The following NPAS3 variants were observed in gnomAD, a reference collection of about 807,000 sequenced individuals.
The protein encoded by NPAS3 is neuronal PAS domain-containing protein 3.
NPAS3 carries 14 observed loss-of-function variants against 73.1 expected under a neutral mutation model. The ratio of observed to expected loss-of-function variants is 0.19; its 90% confidence interval spans 0.13 to 0.30. NPAS3 has a LOEUF of 0.30. NPAS3 is among the 10% of genes least tolerant of loss of function. The pLI, the probability that NPAS3 is intolerant of heterozygous loss-of-function variation, is 1.00. For synonymous variants in NPAS3, 620 were observed against 541.5 expected (o/e 1.14, Z -2.01); for missense variants, 1,096 against 1,250.0 (o/e 0.88, Z 1.86).
chr14:33,140,180 G>A (rs991035536), intron 2 of NPAS3, among the ~76,000 whole-genome samples: 2 of 152,056 alleles, frequency 1.3e-5, no homozygotes, highest in Admixed American at 1.3e-4. Context: ...CTGCTGCACA[G>A]TAAATTACAT....
At chr14:33,483,872 G>A (rs2051450760) in intron 4 of NPAS3, among the ~76,000 whole-genome samples, 1 of 152,146 alleles carries the variant, frequency 6.6e-6, no homozygotes. Flanking sequence ...ATTTCCAGCA[G>A]AAATACTGCC....
intron 4 of NPAS3, among the ~76,000 whole-genome samples, chr14:33,498,371 T>C (rs868181040): frequency 6.6e-6 from 1 of 152,204 alleles, no homozygotes; most frequent in Non-Finnish European, 1.5e-5. Flanking sequence ...TAAATCATTC[T>C]GCTATAAAGA....
chr14:33,473,502 G>C (rs1441100228), intron 4 of NPAS3, among the ~76,000 whole-genome samples: 2 of 152,172 alleles, frequency 1.3e-5, no homozygotes, highest in Non-Finnish European at 2.9e-5. Flanking sequence ...TTCATCTACT[G>C]AATATTTATT....
intron 6 of NPAS3, among the ~76,000 whole-genome samples, chr14:33,725,870 T>A (rs1241473951): frequency 6.6e-6 from 1 of 152,212 alleles, no homozygotes; most frequent in Non-Finnish European, 1.5e-5. Flanking sequence ...CTTCTTCCAC[T>A]TCCTTTATCT....
intron 7 of NPAS3, among the ~76,000 whole-genome samples, chr14:33,765,201 T>C (rs962162848): frequency 6.6e-6 from 1 of 152,100 alleles, no homozygotes; most frequent in Non-Finnish European, 1.5e-5. Context: ...GTTTGGAGGA[T>C]ACAGTCATGT....
intron 4 of NPAS3, among the ~76,000 whole-genome samples, chr14:33,430,841 C>T (rs1022218793): frequency 6.6e-6 from 1 of 152,170 alleles, no homozygotes; most frequent in Non-Finnish European, 1.5e-5. Flanking sequence ...ACAGCAGGGG[C>T]TCCTGAACTG....
At chr14:33,497,226 A>G (rs778209621) in intron 4 of NPAS3, among the ~76,000 whole-genome samples, 5 of 152,208 alleles carry the variant, frequency 3.3e-5, no homozygotes, top group African/African-American at 4.8e-5. Flanking sequence ...AAAACATTCC[A>G]TGCTCGTGGA....
At chr14:33,145,096 G>A (rs1280894260) in intron 2 of NPAS3, among the ~76,000 whole-genome samples, 1 of 152,150 alleles carries the variant, frequency 6.6e-6, no homozygotes, top group African/African-American at 2.4e-5. Context: ...GATATTTGAT[G>A]CCAACCAGAA....
Position 33,114,809 on chromosome 14 carries a change from T to A in NPAS3, c.140+58815T>A, listed in dbSNP as rs552222725. ...AAGAAATTAAAGCAGCAGCTTCTAATGTAAAAGAAGTCTCAACAATAGAAT... is the reference window on the plus strand; with the variant it reads ...AAGAAATTAAAGCAGCAGCTTCTAAAGTAAAAGAAGTCTCAACAATAGAAT... On this transcript the variant is annotated intron_variant, in intron 2 of 11. Transcript: ENST00000356141. Among the ~76,000 whole-genome samples the A allele has an allele frequency of 1.2e-4, 18 of 152,262 alleles. No homozygotes were observed. The East Asian group carries it at 3.5e-3, about 29-fold the overall frequency.
At chr14:33,681,477 G>T (rs1049721364) in intron 6 of NPAS3, among the ~76,000 whole-genome samples, 9 of 152,262 alleles carry the variant, frequency 5.9e-5, no homozygotes, top group South Asian at 2.1e-4. Flanking sequence ...TAATATTAGC[G>T]CTGGCCAAGG....
intron 2 of NPAS3, among the ~76,000 whole-genome samples, chr14:33,152,102 TCTC>T (rs2044469463): frequency 6.6e-6 from 1 of 152,036 alleles, no homozygotes; most frequent in Non-Finnish European, 1.5e-5. Context: ...TATGGGGTCT[TCTC>T]CTTGTATCTA....
chr14:33,608,244 C>T (rs1316505197), intron 5 of NPAS3, among the ~76,000 whole-genome samples: 1 of 152,124 alleles, frequency 6.6e-6, no homozygotes, highest in Non-Finnish European at 1.5e-5. Context: ...ACTATCTAGT[C>T]TTATGTTGCT....
chr14:33,457,671 C>A (rs2050081610), intron 4 of NPAS3, among the ~76,000 whole-genome samples: 1 of 152,204 alleles, frequency 6.6e-6, no homozygotes, highest in Admixed American at 6.5e-5. Context: ...TCCCCACAAA[C>A]CCATGTCCCA....
chr14:33,253,142 G>T (rs1343581141), intron 3 of NPAS3, among the ~76,000 whole-genome samples: 2 of 152,080 alleles, frequency 1.3e-5, no homozygotes, highest in African/African-American at 4.8e-5. Context: ...ATACCCAGTA[G>T]TGGAATTGCC....
chr14:32,937,662 T>C (rs2139006087), upstream of NPAS3, among the ~76,000 whole-genome samples: 1 of 152,318 alleles, frequency 6.6e-6, no homozygotes, highest in South Asian at 2.1e-4. Flanking sequence ...CAGCCCTACT[T>C]TACTGGAGTC....
At chr14:33,657,366 T>A (rs1850418380) in intron 5 of NPAS3, among the ~76,000 whole-genome samples, 1 of 152,188 alleles carries the variant, frequency 6.6e-6, no homozygotes, top group Admixed American at 6.5e-5. Context: ...AGCACAGTGC[T>A]AGGTGTCTTG....
At chr14:33,680,746 G>T in intron 6 of NPAS3, 1 of 672,362 alleles carries the variant, frequency 1.5e-6, no homozygotes, top group Non-Finnish European at 2.7e-6. Context: ...TCATAGAGGG[G>T]AAAATCAATA....
intron 3 of NPAS3, among the ~76,000 whole-genome samples, chr14:33,251,068 T>A (rs2139891182): frequency 6.6e-6 from 1 of 152,176 alleles, no homozygotes; most frequent in African/African-American, 2.4e-5. Flanking sequence ...TAGAAAGCAT[T>A]TTTTGGAGGT....
intron 9 of NPAS3, among the ~76,000 whole-genome samples, chr14:33,790,088 T>G (rs565809256): frequency 1.6e-3 from 250 of 152,276 alleles, no homozygotes; most frequent in Non-Finnish European, 2.4e-3. Flanking sequence ...AATTAGAATC[T>G]CTCCTTCTAG....
Sources: allele counts gnomAD v4.1 joint callset (sites outside exome capture counted in the v4.1 genomes callset), GRCh38; gene constraint gnomAD v4.1.1; transcripts MANE v1.5; gene names NCBI Gene and HGNC (gene_info 2026-07-23, HGNC 2026-07-21).